The following RAB12 variants were observed in gnomAD, a reference collection of about 807,000 sequenced individuals.
The protein encoded by RAB12 is ras-related protein Rab-12.
RAB12 carries 11 observed loss-of-function variants against 28.4 expected under a neutral mutation model. The observed-to-expected ratio is 0.39, with a 90% confidence interval of 0.24 to 0.64. The LOEUF is 0.64. RAB12 is among the 30% of genes least tolerant of loss of function. The pLI is 0.50. For synonymous variants in RAB12, 138 were observed against 145.3 expected (o/e 0.95, Z 0.36); for missense variants, 276 against 351.1 (o/e 0.79, Z 1.71).
At chr18:8,617,486 TC>T (rs1174719453) in intron 1 of RAB12, among the ~76,000 whole-genome samples, 1 of 151,996 alleles carries the variant, frequency 6.6e-6, no homozygotes, top group Non-Finnish European at 1.5e-5. Flanking sequence ...CTTTAAATAT[TC>T]TCCTCCTCTT....
At chr18:8,634,424 C>A (rs1341730856) in intron 3 of RAB12, among the ~76,000 whole-genome samples, 1 of 151,618 alleles carries the variant, frequency 6.6e-6, no homozygotes, top group African/African-American at 2.4e-5. Flanking sequence ...ATTGGCACAT[C>A]AGTGGATACT....
rs1475664289 is a variant in RAB12 at position 8,639,145 on chromosome 18, TTC to T, written c.*885_*886del. The T allele has an allele frequency of 2.4e-4, 24 of 98,836 alleles. 1 individual carries two copies. The highest frequency in any genetic ancestry group is 7.2e-4 in the South Asian group (2 of 2,790). The allele number at this position is 98,836 out of a possible 1,614,324, so 6.1% of individuals were successfully genotyped here. ...TTATTCTGATTAAGCCTAGACTGTG[TTC>T]TTTTTTTTTTTTTTTTTTTTTTTTT... is the stretch of plus-strand genomic sequence containing the variant. On this transcript the variant is annotated 3_prime_UTR_variant, in exon 6 of 6. Transcript: ENST00000649141.
rs781649026 is a variant in RAB12 at position 8,609,802 on chromosome 18, G to C, written c.363G>C (p.Ser121=). The change falls in exon 1 of 6, where the codon TCG becomes TCC. Residue 121 remains serine (S), a synonymous_variant. Transcript: ENST00000649141. ...GGLGAGSPAL[S]GGQGRRRKQP... The stretch of plus-strand genomic sequence containing the variant: ...TGGGCGCGGGCTCCCCGGCGCTGTC[G>C]GGCGGCCAGGGCCGCCGGAGGAAGC... 8.4e-6 allele frequency: 12 copies of C among 1,429,002 alleles called. No individual in the cohort carries two copies. Among genetic ancestry groups the C allele is most frequent in the Non-Finnish European group, 1.1e-5 (12 of 1,092,022 alleles). 88.5% of individuals were successfully genotyped at this position (1,429,002 alleles called of 1,614,324 possible).
rs149427020 is a variant in RAB12, at chr18:8,636,256, G to A, written c.808G>A (p.Ala270Thr). Reference protein sequence around the residue: ...EITRQQGEKFAQQITGMRFCE... With the variant: ...EITRQQGEKFTQQITGMRFCE... ...ATAGGTGTGTGTTTCTTCTCAGTTTGCACAGCAGATCACTGGGATGCGGTT... is the reference window on the plus strand; with the variant it reads ...ATAGGTGTGTGTTTCTTCTCAGTTTACACAGCAGATCACTGGGATGCGGTT... Residue 270 changes from alanine to threonine, a missense_variant, in exon 5 of 6, where the codon GCA becomes ACA. Around this residue, in one of 4 missense-constraint regions of RAB12, gnomAD observed 127 missense variants for 161.4 expected, o/e 0.79. Transcript: ENST00000649141. The A allele has an allele frequency of 1.5e-4, 245 of 1,609,398 alleles. No individual in the cohort carries two copies. The East Asian group carries it at 4.8e-3, about 31-fold the overall frequency.
chr18:8,622,982 C>G (rs868016032), intron 1 of RAB12, among the ~76,000 whole-genome samples: 1 of 152,196 alleles, frequency 6.6e-6, no homozygotes, highest in Non-Finnish European at 1.5e-5. Context: ...AAGGTGATCT[C>G]TCTTGTTCCC....
chr18:8,621,744 G>A (rs941617577), intron 1 of RAB12, among the ~76,000 whole-genome samples: 16 of 152,002 alleles, frequency 1.1e-4, no homozygotes, highest in African/African-American at 3.9e-4. Context: ...GACCTGATAG[G>A]TAGTTTTTCA....
At chr18:8,638,020 G>C (rs2096019916) in intron 5 of RAB12, 129 bp from the exon 6 acceptor site, 1 of 616,384 alleles carries the variant, frequency 1.6e-6, no homozygotes, top group Non-Finnish European at 2.9e-6. Context: ...AGGAGAGGCA[G>C]GTGAAACTTG....
chr18:8,616,961 C>T (rs1452624201), intron 1 of RAB12, among the ~76,000 whole-genome samples: 2 of 152,038 alleles, frequency 1.3e-5, no homozygotes, highest in African/African-American at 2.4e-5. Flanking sequence ...TTCTCCTTGG[C>T]CACCACTGTC....
intron 5 of RAB12, among the ~76,000 whole-genome samples, chr18:8,637,147 G>A (rs958567092): frequency 1.3e-5 from 2 of 151,978 alleles, no homozygotes; most frequent in Non-Finnish European, 2.9e-5. Flanking sequence ...GTACCTGGTT[G>A]TAGTAATCCC....
intron 1 of RAB12, among the ~76,000 whole-genome samples, chr18:8,615,214 A>G (rs1369944322): frequency 6.6e-6 from 1 of 152,138 alleles, no homozygotes; most frequent in Non-Finnish European, 1.5e-5. Context: ...CCTTGCAGAA[A>G]TGCTCTCTGG....
intron 1 of RAB12, among the ~76,000 whole-genome samples, chr18:8,622,508 G>A (rs947742878): frequency 1.3e-5 from 2 of 152,204 alleles, no homozygotes; most frequent in Admixed American, 1.3e-4. Flanking sequence ...TTTTCAAAAG[G>A]GGAGGGAGTG....
chr18:8,610,722 G>A (rs896275654), intron 1 of RAB12, among the ~76,000 whole-genome samples: 1 of 152,184 alleles, frequency 6.6e-6, no homozygotes, highest in Non-Finnish European at 1.5e-5. Flanking sequence ...TTTCTCAGTT[G>A]GATGTGGGTA....
At chr18:8,618,430 G>C (rs1447754138) in intron 1 of RAB12, among the ~76,000 whole-genome samples, 1 of 151,980 alleles carries the variant, frequency 6.6e-6, no homozygotes, top group Non-Finnish European at 1.5e-5. Context: ...ACACAGGTTA[G>C]ATAGGAAAAG....
Position 8,639,144 on chromosome 18 carries a change from GTTCTTTTTTTTTTTTTTTTTTTTTTTTT to G in RAB12, c.*885_*912del, listed in dbSNP as rs2096020821. 6.0e-5 allele frequency: 1 copy of G among 16,560 alleles called. No homozygotes were observed. Among genetic ancestry groups the G allele is most frequent in the African/African-American group, 1.8e-4 (1 of 5,450 alleles). The allele number at this position is 16,560 out of a possible 1,614,324, so 1.0% of individuals were successfully genotyped here. On this transcript the variant is annotated 3_prime_UTR_variant, in exon 6 of 6. Transcript: ENST00000649141. ...CTTATTCTGATTAAGCCTAGACTGT[GTTCTTTTTTTTTTTTTTTTTTTTTTTTT>G]TTTTTTTTTTTTTTTTTTTTGGTCT... is the stretch of plus-strand genomic sequence containing the variant.
intron 5 of RAB12, 26 bp from the exon 6 acceptor site, chr18:8,638,122 AT>A (rs745763608): frequency 1.9e-4 from 288 of 1,500,394 alleles, no homozygotes; most frequent in Middle Eastern, 3.4e-4. Context: ...GTTAAAACGG[AT>A]TTTTTTTTGT....
intron 1 of RAB12, among the ~76,000 whole-genome samples, chr18:8,622,369 G>A (rs1230140015): frequency 6.6e-6 from 1 of 152,208 alleles, no homozygotes; most frequent in African/African-American, 2.4e-5. Context: ...GCGTCGGCCG[G>A]TTTGAGAAAT....
intron 1 of RAB12, among the ~76,000 whole-genome samples, chr18:8,611,160 G>T (rs1426357714): frequency 2.0e-5 from 3 of 152,076 alleles, no homozygotes; most frequent in Admixed American, 6.5e-5. Flanking sequence ...AAATGTTGTC[G>T]TTGGAGACAT....
intron 3 of RAB12, chr18:8,635,051 T>G (rs2096018099): frequency 6.6e-6 from 1 of 152,214 alleles, no homozygotes; most frequent in South Asian, 2.1e-4. Context: ...AAAACCAAAT[T>G]GGCTTCACTG....
At chr18:8,623,528 C>T (rs543682497) in intron 1 of RAB12, among the ~76,000 whole-genome samples, 11 of 152,314 alleles carry the variant, frequency 7.2e-5, no homozygotes, top group East Asian at 1.9e-4. Flanking sequence ...CAAATATCTG[C>T]GCTATTTTGT....
Sources: gnomAD v4.1 joint callset for allele counts (sites outside exome capture counted in the v4.1 genomes callset) on GRCh38, gnomAD v4.1.1 for gene constraint, gnomAD v4.1.1 regional missense constraint, MANE v1.5 for transcripts, NCBI Gene and HGNC (gene_info 2026-07-23, HGNC 2026-07-21) for gene names.